Variants in MATK observed in about 807,000 individuals in gnomAD.
MATK encodes megakaryocyte-associated tyrosine-protein kinase.
MATK carries 41 observed loss-of-function variants against 59.8 expected under a neutral mutation model. The observed-to-expected ratio is 0.69, with a 90% CI of 0.53 to 0.89. The LOEUF is 0.89. Ranked by LOEUF, MATK falls within the 40% of genes least tolerant of loss-of-function variation. The pLI is 0.00. For missense variants in MATK, 593 were observed against 719.6 expected (o/e 0.82, Z 2.01); for synonymous variants, 308 against 306.1 (o/e 1.01, Z -0.06).
chr19:3,786,192 C>A lies in MATK; in HGVS notation c.-175G>T. On this transcript the variant is annotated 5_prime_UTR_variant, in exon 1 of 14. Transcript: ENST00000310132. The surrounding 1 kb of genome is among the most constrained non-coding windows in gnomAD (Gnocchi z 4.1). Reference sequence around the variant, plus strand: ...ACCTGCTCAGGGGGCGCCCCCGAGCCGCGCCCCGCGCCCGCCCCCAGGAGG... The same window carrying A: ...ACCTGCTCAGGGGGCGCCCCCGAGCAGCGCCCCGCGCCCGCCCCCAGGAGG... 1 of 982,612 alleles carries A rather than the reference C, an allele frequency of 1.0e-6. No individual in the cohort carries two copies. The highest frequency in any genetic ancestry group is 1.2e-6 in the Non-Finnish European group (1 of 827,606). The allele number at this position is 982,612 out of a possible 1,614,324, so 60.9% of individuals were successfully genotyped here.
intron 11 of MATK, 78 bp from the exon 12 acceptor site, chr19:3,779,265 G>C: frequency 1.3e-6 from 2 of 1,548,674 alleles, no homozygotes; most frequent in Non-Finnish European, 1.8e-6. Context: ...GGGGTGCCTG[G>C]GGCCACAAGC....
chr19:3,783,348 G>C (rs2037428738), intron 6 of MATK, 129 bp from the exon 7 acceptor site: 1 of 705,238 alleles, frequency 1.4e-6, no homozygotes, highest in African/African-American at 1.7e-5. Context: ...GGTTTCCATA[G>C]GAACGGGAAA....
At chr19:3,793,352 G>C (rs2037561198) in intron 1 of MATK, 1 of 151,564 alleles carries the variant, frequency 6.6e-6, no homozygotes, top group Non-Finnish European at 1.5e-5. Flanking sequence ...GATCATCTGA[G>C]GTCAGGAGTT....
chr19:3,787,040 T>C (rs912354068), upstream of MATK, among the ~76,000 whole-genome samples: 3 of 152,160 alleles, frequency 2.0e-5, no homozygotes, highest in Admixed American at 6.5e-5. Context: ...TTGGTCTTGG[T>C]GGACAGGGCC....
At chr19:3,792,901 T>C (rs1295763282) in intron 1 of MATK, among the ~76,000 whole-genome samples, 1 of 152,192 alleles carries the variant, frequency 6.6e-6, no homozygotes, top group Non-Finnish European at 1.5e-5. Flanking sequence ...TGAGCCGCCA[T>C]GGCCTCCATG....
intron 6 of MATK, 74 bp downstream of exon 6, chr19:3,783,740 C>G: frequency 7.1e-7 from 1 of 1,412,166 alleles, no homozygotes; most frequent in South Asian, 1.3e-5. Flanking sequence ...CCCTCTATCT[C>G]TACGTAGGGG....
At position 3,778,272 on chromosome 19, in the gene MATK, C is replaced by A; in HGVS notation, c.1435G>T (p.Ala479Ser). The A allele has an allele frequency of 6.4e-7, 1 of 1,574,298 alleles. No individual in the cohort carries two copies. Among genetic ancestry groups the A allele is most frequent in the Non-Finnish European group, 8.6e-7 (1 of 1,167,102 alleles). ...GCACCTGCACTGCGTAGCTCCCGGG[C>A]CAGCTTCTCGGCCAGTTTGCGGAAG... The part of the protein sequence containing the change: ...PPFRKLAEKL[A>S]RELRSAGAPA... Residue 479 changes from alanine (A) to serine (S), a missense_variant, in exon 14 of 14, where the codon GCC becomes TCC. Physicochemically the swap from Ala to Ser is moderately conservative, Grantham distance 99. Transcript: ENST00000310132.
At chr19:3,784,311 C>T (rs2037446475) in intron 4 of MATK, 27 bp downstream of exon 4, 2 of 1,591,786 alleles carry the variant, frequency 1.3e-6, no homozygotes, top group Non-Finnish European at 1.7e-6. Flanking sequence ...CAGCCCCAAG[C>T]ACCCACACCC....
chr19:3,798,817 T>A (rs1174354922), intron 1 of MATK, among the ~76,000 whole-genome samples: 1 of 151,266 alleles, frequency 6.6e-6, no homozygotes, highest in African/African-American at 2.4e-5. Context: ...CGGCCTGTTT[T>A]TTTTTTAAGG....
chr19:3,784,886 T>G lies in MATK; in HGVS notation c.73-2A>C. 1 of 1,523,490 alleles carries G rather than the reference T, an allele frequency of 6.6e-7. No homozygotes were observed. 94.4% of individuals were successfully genotyped at this position (1,523,490 alleles called of 1,614,324 possible). A position where few individuals can be genotyped will look rare whatever the true frequency, so the allele number is the denominator to read the frequency against. ...GGCTCGGAGGAAGCGGGGGCTCACC[T>G]GGGGAGGGGACAGAGTCCAGGTGGG... On this transcript the variant is annotated splice_acceptor_variant, in intron 2 of 13. Coordinates refer to ENST00000310132, the MANE Select transcript of MATK (RefSeq NM_139355.3). LOFTEE classifies it high-confidence loss of function.
Position 3,779,178 on chromosome 19 carries a change from G to C in MATK, c.1011C>G (p.Ala337=). Residue 337 remains alanine, a synonymous_variant, in exon 12 of 14, where the codon GCC becomes GCG. Transcript: ENST00000310132. ...TGCTCTCCAGGTACTCCATGCCCTC[G>C]GCCACGTGCCTGGGGGTAGTAGGGG... ...AQLLQFSLHV[A]EGMEYLESKK... 1 of 1,589,162 alleles carries C rather than the reference G, an allele frequency of 6.3e-7. No homozygotes were observed. Among genetic ancestry groups the C allele is most frequent in the Non-Finnish European group, 8.6e-7 (1 of 1,166,888 alleles).
At chr19:3,793,338 G>C (rs1414589090) in intron 1 of MATK, 1 of 152,218 alleles carries the variant, frequency 6.6e-6, no homozygotes, top group Non-Finnish European at 1.5e-5. Context: ...GGCCGAGGCT[G>C]GTGGATCATC....
At chr19:3,800,603 G>A (rs888872496) in intron 1 of MATK, among the ~76,000 whole-genome samples, 4 of 151,988 alleles carry the variant, frequency 2.6e-5, no homozygotes, top group South Asian at 2.1e-4. Context: ...CCGAGATTGC[G>A]CCACTGCACT....
chr19:3,801,052 G>T lies in MATK; in HGVS notation c.-58+480C>A, dbSNP rs2037638752. On this transcript the variant is annotated intron_variant, in intron 1 of 13. Transcript: ENST00000395045. ...TTTTTGTATTTTTAGTACAGACGGG[G>T]TTTCGAACTCCTGACCTCAAGTAAT... Among the ~76,000 whole-genome samples, 4 of 152,054 alleles carry T rather than the reference G, an allele frequency of 2.6e-5. No homozygotes were observed. The East Asian group carries it at 7.8e-4, about 30-fold the overall frequency.
At position 3,781,594 on chromosome 19, in the gene MATK, G is replaced by A; in HGVS notation, c.742+13C>T. On this transcript the variant is annotated intron_variant, in intron 8 of 13. Transcript: ENST00000310132. ...ATCTTCCTTCAGCACCCCCAACCCA[G>A]TCCGCCACTCACCTCCAAACTCTCC... The A allele has an allele frequency of 1.2e-6, 2 of 1,613,720 alleles. No individual in the cohort carries two copies.
Position 3,784,814 on chromosome 19 carries a change from G to A in MATK, c.132+11C>T, listed in dbSNP as rs1226149009. 1 of 1,550,158 alleles carries A rather than the reference G, an allele frequency of 6.5e-7. No individual in the cohort carries two copies. The highest frequency in any genetic ancestry group is 8.7e-7 in the Non-Finnish European group (1 of 1,145,140). On this transcript the variant is annotated intron_variant, in intron 3 of 13. Transcript: ENST00000310132. ...CCCGGGGAGCAGAGGAAGCAGGCTAGACACACTCACCGTTGGCATCCTGGC... is the reference window on the plus strand; with the variant it reads ...CCCGGGGAGCAGAGGAAGCAGGCTAAACACACTCACCGTTGGCATCCTGGC...
At chr19:3,789,403 C>G, upstream of MATK, 1 of 688,706 alleles carries the variant, frequency 1.5e-6, no homozygotes, top group Non-Finnish European at 2.7e-6. Flanking sequence ...CTCTTCCTCT[C>G]TCTGCAAATC....
At chr19:3,788,634 A>G (rs920660968), upstream of MATK, among the ~76,000 whole-genome samples, 2 of 151,480 alleles carry the variant, frequency 1.3e-5, no homozygotes, top group African/African-American at 4.8e-5. Context: ...AAAAAAAAAA[A>G]AAAAAAAATA....
chr19:3,779,402 G>A lies in MATK; in HGVS notation c.977C>T (p.Thr326Ile). The change falls in exon 11 of 14, where the codon ACC becomes ATC. Residue 326 changes from threonine to isoleucine, a missense_variant. Coordinates refer to ENST00000310132, the MANE Select transcript of MATK (RefSeq NM_139355.3). ...LRTRGRALVN[T>I]AQLLQFSLHV... ...CAGAGAAAACTGCAGGAGCTGAGCG[G>A]TGTTCACGAGGGCTCGACCCCGGGT... 6.2e-7 allele frequency: 1 copy of A among 1,613,332 alleles called. No homozygotes were observed. The highest frequency in any genetic ancestry group is 8.5e-7 in the Non-Finnish European group (1 of 1,180,004).
Sources: allele counts gnomAD v4.1 joint callset (sites outside exome capture counted in the v4.1 genomes callset), GRCh38; gene constraint gnomAD v4.1.1; non-coding constraint Gnocchi (gnomAD v3.1); transcripts MANE v1.5; gene names NCBI Gene and HGNC (gene_info 2026-07-23, HGNC 2026-07-21).